KCTD14: variants seen among roughly 807,000 people sequenced by gnomAD.
The protein encoded by KCTD14 is BTB/POZ domain-containing protein KCTD14.
In KCTD14, 7 loss-of-function variants were observed where a neutral mutation model predicts 5.9. The observed-to-expected ratio is 1.19, with a 90% CI of 0.68 to 2.23. The LOEUF is 2.23. Ranked by LOEUF, KCTD14 falls within the 30% of genes most tolerant of loss-of-function variation. KCTD14 has a pLI of 0.00. For missense variants in KCTD14, 342 were observed against 332.2 expected (o/e 1.03, Z -0.23); for synonymous variants, 140 against 133.1 (o/e 1.05, Z -0.36).
intron 2 of KCTD14, among the ~76,000 whole-genome samples, chr11:78,035,300 A>G (rs1302562064): frequency 6.6e-6 from 1 of 151,914 alleles, no homozygotes; most frequent in Non-Finnish European, 1.5e-5. Flanking sequence ...GGCCAATGGG[A>G]GCTTAGCGGG....
chr11:78,023,366 T>C (rs1403744794), upstream of KCTD14: 7 of 952,004 alleles, frequency 7.4e-6, no homozygotes, highest in East Asian at 7.9e-5. Flanking sequence ...CTGGGCCAAG[T>C]GCAGAAAGAA....
upstream of KCTD14, among the ~76,000 whole-genome samples, chr11:78,027,796 T>C (rs1857507072): frequency 6.6e-6 from 1 of 152,004 alleles, no homozygotes; most frequent in East Asian, 1.9e-4. Flanking sequence ...TAGACCAAGG[T>C]TTTATCATGC....
chr11:78,041,679 G>C (rs529574786), intron 1 of KCTD14, among the ~76,000 whole-genome samples: 2 of 152,096 alleles, frequency 1.3e-5, no homozygotes, highest in African/African-American at 2.4e-5. Context: ...TGTTTGTTAC[G>C]GCTCGAGCTG....
chr11:78,042,675 A>G lies in KCTD14; in HGVS notation c.-96+3386T>C, dbSNP rs150967468. ...ATCTGAGGTTCATTGCCTCATGCCAAGGAAATCAAGGACACGGACTCACAC... is the reference window on the plus strand; with the variant it reads ...ATCTGAGGTTCATTGCCTCATGCCAGGGAAATCAAGGACACGGACTCACAC... On this transcript the variant is annotated intron_variant, in intron 1 of 2. Coordinates refer to the KCTD14 transcript ENST00000533144. Among the ~76,000 whole-genome samples the G allele has an allele frequency of 1.8e-3, 270 of 152,338 alleles. 1 individual carries two copies. The highest frequency in any genetic ancestry group is 6.3e-3 in the African/African-American group (261 of 41,582).
intron 2 of KCTD14, among the ~76,000 whole-genome samples, chr11:78,030,988 G>A (rs1410708533): frequency 6.6e-6 from 1 of 151,936 alleles, no homozygotes; most frequent in Non-Finnish European, 1.5e-5. Context: ...ACTGTGCCAG[G>A]CACTTTGGAG....
At chr11:78,044,771 GAAGTA>G (rs1366079018) in intron 1 of KCTD14, among the ~76,000 whole-genome samples, 2 of 152,100 alleles carry the variant, frequency 1.3e-5, no homozygotes, top group Non-Finnish European at 2.9e-5. Flanking sequence ...GGAACAAAAG[GAAGTA>G]AAGTACACTT....
chr11:78,042,316 T>G (rs1056660398), intron 1 of KCTD14, among the ~76,000 whole-genome samples: 1 of 152,182 alleles, frequency 6.6e-6, no homozygotes, highest in Admixed American at 6.5e-5. Context: ...CAGATCAGCC[T>G]TGTCAACATG....
chr11:78,038,602 G>T (rs1857889500), intron 2 of KCTD14: 1 of 1,525,548 alleles, frequency 6.6e-7, no homozygotes, highest in African/African-American at 1.4e-5. Context: ...CAAGTGAACA[G>T]CTTCTCCACC....
At chr11:78,045,977 A>G (rs561970334) in intron 1 of KCTD14, 1 of 389,390 alleles carries the variant, frequency 2.6e-6, no homozygotes, top group Admixed American at 6.4e-5. Flanking sequence ...CTCCCCAGTC[A>G]GCAGGTGTCC....
intron 1 of KCTD14, among the ~76,000 whole-genome samples, chr11:78,041,967 G>T (rs573620151): frequency 2.0e-5 from 3 of 152,156 alleles, no homozygotes; most frequent in Non-Finnish European, 2.9e-5. Flanking sequence ...CTTGGAATCC[G>T]TGAGGCCAAG....
chr11:78,021,833 C>G (rs1565310350), intron 1 of KCTD14, among the ~76,000 whole-genome samples: 2 of 152,156 alleles, frequency 1.3e-5, no homozygotes, highest in South Asian at 4.1e-4. Flanking sequence ...GTTTAGAGGC[C>G]CTTTGCAACT....
chr11:78,031,166 T>C (rs2136735388), intron 2 of KCTD14, among the ~76,000 whole-genome samples: 1 of 150,352 alleles, frequency 6.7e-6, no homozygotes, highest in Non-Finnish European at 1.5e-5. Flanking sequence ...GCAACCCTCC[T>C]GCCTTAGCCT....
At chr11:78,035,881 C>T (rs560089336) in intron 2 of KCTD14, among the ~76,000 whole-genome samples, 13 of 146,844 alleles carry the variant, frequency 8.9e-5, no homozygotes, top group Admixed American at 2.7e-4. Flanking sequence ...CCTTCATGGC[C>T]GGGCACAGTG....
At chr11:78,017,301 A>G (rs528981593) in intron 1 of KCTD14, 31 bp from the exon 2 acceptor site, 3 of 1,549,126 alleles carry the variant, frequency 1.9e-6, no homozygotes, top group East Asian at 2.3e-5. Context: ...GTAAACCAAC[A>G]CGCCATCTCC....
At chr11:78,031,928 T>A (rs745309093) in intron 2 of KCTD14, among the ~76,000 whole-genome samples, 1 of 152,206 alleles carries the variant, frequency 6.6e-6, no homozygotes, top group Non-Finnish European at 1.5e-5. Context: ...CCATAGGTAA[T>A]GGTGGATCAC....
chr11:78,017,363 G>C, intron 1 of KCTD14, 93 bp from the exon 2 acceptor site: 2 of 1,445,332 alleles, frequency 1.4e-6, no homozygotes, highest in Non-Finnish European at 1.8e-6. Flanking sequence ...AAAAAACTTA[G>C]GGGAGCCATA....
intron 1 of KCTD14, among the ~76,000 whole-genome samples, chr11:78,040,470 G>C (rs773075240): frequency 4.7e-5 from 7 of 150,014 alleles, no homozygotes; most frequent in Non-Finnish European, 8.9e-5. Flanking sequence ...TCTCTCTGCT[G>C]TTTTCTTCCT....
chr11:78,042,263 T>C (rs1858015880), intron 1 of KCTD14, among the ~76,000 whole-genome samples: 1 of 152,206 alleles, frequency 6.6e-6, no homozygotes, highest in African/African-American at 2.4e-5. Context: ...ATCCCAGCAC[T>C]TTGGGAGGCC....
chr11:78,023,935 T>C (rs1369096618), upstream of KCTD14, among the ~76,000 whole-genome samples: 1 of 152,112 alleles, frequency 6.6e-6, no homozygotes, highest in East Asian at 1.9e-4. Flanking sequence ...TAGGGTGGTG[T>C]TAAAATGTAA....
Sources: gnomAD v4.1 joint callset for allele counts (sites outside exome capture counted in the v4.1 genomes callset) on GRCh38, gnomAD v4.1.1 for gene constraint, MANE v1.5 for transcripts, NCBI Gene and HGNC (gene_info 2026-07-23, HGNC 2026-07-21) for gene names.